The following CUBN variants were observed in gnomAD, a reference collection of about 807,000 sequenced individuals.
The protein encoded by CUBN is 460 kDa receptor.
CUBN carries 282 observed loss-of-function variants against 405.3 expected under a neutral mutation model. The ratio of observed to expected loss-of-function variants is 0.70; its 90% confidence interval spans 0.63 to 0.77. The LOEUF is 0.77. Among genes scored for constraint, CUBN ranks in the 30% least tolerant of loss-of-function variants. CUBN has a pLI of 0.00. For synonymous variants in CUBN, 1,684 were observed against 1,617.0 expected, an observed-to-expected ratio of 1.04 and a Z score of -0.99; for missense variants, 4,514 against 4,475.2, an observed-to-expected ratio of 1.01 and a Z score of -0.25.
intron 27 of CUBN, among the ~76,000 whole-genome samples, chr10:17,021,256 T>C (rs900414619): frequency 2.0e-5 from 3 of 152,222 alleles, no homozygotes; most frequent in African/African-American, 7.2e-5. Flanking sequence ...CCCCTTAACC[T>C]ACCTCATTTA....
chr10:17,085,836 C>T, intron 15 of CUBN, 77 bp from the exon 16 acceptor site: 1 of 1,290,742 alleles, frequency 7.7e-7, no homozygotes, highest in South Asian at 1.2e-5. Flanking sequence ...ATATTAACTT[C>T]ATAAAATCTA....
At chr10:17,078,308 T>C (rs1356070311) in intron 17 of CUBN, among the ~76,000 whole-genome samples, 1 of 152,190 alleles carries the variant, frequency 6.6e-6, no homozygotes, top group Admixed American at 6.5e-5. Context: ...CCAATTATTT[T>C]AGTTTATTTT....
chr10:16,842,944 C>T (rs1329386030), intron 60 of CUBN, among the ~76,000 whole-genome samples: 34 of 152,260 alleles, frequency 2.2e-4, no homozygotes, highest in Admixed American at 2.2e-3. Context: ...GACTCCCTGT[C>T]ATGGGCCCTC....
intron 27 of CUBN, among the ~76,000 whole-genome samples, chr10:17,037,805 T>C (rs1292657568): frequency 6.6e-6 from 1 of 152,230 alleles, no homozygotes; most frequent in Non-Finnish European, 1.5e-5. Context: ...CTCCTCTTTG[T>C]ACCTCTTTAC....
In CUBN at chr10:16,825,069, G is replaced by A; in HGVS notation, c.10778C>T (p.Ala3593Val). 1 of 1,612,254 alleles carries A rather than the reference G, an allele frequency of 6.2e-7. No individual in the cohort carries two copies. Among genetic ancestry groups the A allele is most frequent in the African/African-American group, 1.3e-5 (1 of 74,904 alleles). ...GPYCGGDTSI[A>V]PFVASSNQVF... ...CTGATTTGAGGAAGCCACGAAGGGA[G>A]CTATGCTGGTGTCCTAAAATTGAAA... is the stretch of plus-strand genomic sequence containing the variant. The change falls in exon 67 of 67, where the codon GCT (alanine) becomes GTT (valine). Residue 3593 changes from alanine to valine, a missense_variant. By Grantham distance (64) the Ala-to-Val change is moderately conservative (BLOSUM62 0). This residue lies in a region of CUBN where 1,186 missense variants were observed against 1,186.9 expected (regional missense o/e 1.00). Coordinates refer to ENST00000377833, the MANE Select transcript of CUBN (RefSeq NM_001081.4).
At position 17,045,313 on chromosome 10, in the gene CUBN, C is replaced by T; in HGVS notation, c.3491-125G>A. The stretch of plus-strand genomic sequence containing the variant: ...ATCAAATTGCACAGCAAAATGGCAT[C>T]ATGAAAGAGTAGTTATAGCCTAAAA... On this transcript the variant is annotated intron_variant, in intron 24 of 66. Coordinates refer to ENST00000377833, the MANE Select transcript of CUBN (RefSeq NM_001081.4). 4.4e-6 allele frequency: 4 copies of T among 904,784 alleles called. No homozygotes were observed. In the South Asian group the frequency reaches 5.7e-5, roughly 13 times the overall value. 56.0% of individuals were successfully genotyped at this position (904,784 alleles called of 1,614,324 possible).
chr10:16,861,100 A>T (rs1839998876), intron 59 of CUBN, among the ~76,000 whole-genome samples: 1 of 151,506 alleles, frequency 6.6e-6, no homozygotes, highest in South Asian at 2.1e-4. Flanking sequence ...TTGAAATGGG[A>T]TGCACCTGTA....
chr10:16,861,676 T>G (rs1193016972), intron 59 of CUBN, among the ~76,000 whole-genome samples: 2 of 151,294 alleles, frequency 1.3e-5, no homozygotes, highest in Non-Finnish European at 1.5e-5. Flanking sequence ...CAAACTGAGT[T>G]TGAATCTGGG....
At chr10:16,930,996 C>A (rs1028670692) in intron 40 of CUBN, among the ~76,000 whole-genome samples, 1 of 151,962 alleles carries the variant, frequency 6.6e-6, no homozygotes, top group Non-Finnish European at 1.5e-5. Context: ...GTGGCTCACA[C>A]CTGTAATCAC....
intron 27 of CUBN, among the ~76,000 whole-genome samples, chr10:17,035,198 CA>C (rs1365815410): frequency 6.6e-6 from 1 of 151,640 alleles, no homozygotes; most frequent in Admixed American, 6.6e-5. Flanking sequence ...TTGGGGGGTG[CA>C]AAAAAGGAGA....
intron 46 of CUBN, 143 bp downstream of exon 46, chr10:16,915,678 G>A (rs575203731): frequency 4.6e-5 from 35 of 754,432 alleles, no homozygotes; most frequent in South Asian, 3.6e-4. Flanking sequence ...AGAATCACCA[G>A]TACTGCCCAA....
At chr10:17,117,858 G>C (rs1295759683) in intron 6 of CUBN, among the ~76,000 whole-genome samples, 1 of 152,166 alleles carries the variant, frequency 6.6e-6, no homozygotes, top group South Asian at 2.1e-4. Context: ...TGTTTACCCA[G>C]ACAATGTACT....
Position 16,952,792 on chromosome 10 carries a change from G to A in CUBN, c.4856-403C>T, listed in dbSNP as rs1432758338. On this transcript the variant is annotated intron_variant, in intron 32 of 66. Transcript: ENST00000377833. The stretch of plus-strand genomic sequence containing the variant: ...TGAATAAGGCTTCATAAGGATGACT[G>A]TAGATTACTAGAGAAGAGCAAAATT... 4.6e-5 allele frequency among the ~76,000 whole-genome samples: 7 copies of A among 152,344 alleles called. No homozygotes were observed. In the East Asian group the frequency reaches 1.4e-3, roughly 29 times the overall value.
At position 16,829,936 on chromosome 10, in the gene CUBN, T is replaced by G. The variant is rs563066169; in HGVS notation, c.10529-896A>C. On this transcript the variant is annotated intron_variant, in intron 65 of 66. Coordinates refer to ENST00000377833, the MANE Select transcript of CUBN (RefSeq NM_001081.4). The stretch of plus-strand genomic sequence containing the variant: ...TCCCGGGTTCATGGTGGGTTTTTTT[T>G]GTTTTGTTTTTTTTTTTGAGACGGA... Among the ~76,000 whole-genome samples the G allele has an allele frequency of 3.1e-3, 458 of 149,840 alleles. 5 individuals are homozygous for G. Among genetic ancestry groups the G allele is most frequent in the African/African-American group, 0.011 (427 of 40,248 alleles).
At chr10:17,035,576 T>C (rs1411497345) in intron 27 of CUBN, among the ~76,000 whole-genome samples, 13 of 152,182 alleles carry the variant, frequency 8.5e-5, no homozygotes, top group South Asian at 2.1e-4. Flanking sequence ...CTGAAAGGTA[T>C]AGTGATTACA....
intron 27 of CUBN, among the ~76,000 whole-genome samples, chr10:17,026,027 T>C (rs1302863978): frequency 6.6e-6 from 1 of 152,122 alleles, no homozygotes; most frequent in Non-Finnish European, 1.5e-5. Flanking sequence ...GTGAGCAGCA[T>C]CTCTTCCTGT....
intron 40 of CUBN, among the ~76,000 whole-genome samples, chr10:16,929,862 G>A (rs1842314657): frequency 6.6e-6 from 1 of 152,172 alleles, no homozygotes; most frequent in South Asian, 2.1e-4. Context: ...GGATGAAAGT[G>A]AGTTGAGTCT....
At chr10:17,041,247 C>T (rs772496990) in intron 26 of CUBN, 27 bp from the exon 27 acceptor site, 1 of 1,583,778 alleles carries the variant, frequency 6.3e-7, no homozygotes, top group Non-Finnish European at 8.7e-7. Context: ...CTGTTAAGAA[C>T]CACTATTATA....
chr10:16,849,110 T>C (rs183225784), intron 60 of CUBN, among the ~76,000 whole-genome samples: 1 of 152,318 alleles, frequency 6.6e-6, no homozygotes, highest in East Asian at 1.9e-4. Flanking sequence ...CAATACTTTA[T>C]TTAAATGGTT....
Sources: gnomAD v4.1 joint callset for allele counts (sites outside exome capture counted in the v4.1 genomes callset) on GRCh38, gnomAD v4.1.1 for gene constraint, gnomAD v4.1.1 regional missense constraint, MANE v1.5 for transcripts, NCBI Gene and HGNC (gene_info 2026-07-23, HGNC 2026-07-21) for gene names.